PARD3: variants seen among roughly 807,000 people sequenced by gnomAD.
The protein encoded by PARD3 is partitioning defective 3 homolog.
Under a neutral mutation model 155.4 loss-of-function variants are expected in PARD3, and 75 were observed. The ratio of observed to expected loss-of-function variants is 0.48; its 90% CI spans 0.40 to 0.58. The LOEUF (loss-of-function observed/expected upper bound fraction) is 0.58, where lower values mean the gene tolerates loss of function less well. PARD3 is among the 20% of genes least tolerant of loss of function. The pLI is 0.00. For synonymous variants in PARD3, 576 were observed against 610.5 expected, an observed-to-expected ratio of 0.94 and a Z score of 0.83; for missense variants, 1,642 against 1,721.7, an observed-to-expected ratio of 0.95 and a Z score of 0.82.
intron 20 of PARD3, among the ~76,000 whole-genome samples, chr10:34,302,792 T>C (rs994236006): frequency 2.6e-5 from 4 of 152,208 alleles, no homozygotes; most frequent in African/African-American, 4.8e-5. Flanking sequence ...CCTGTTTTAA[T>C]GTCATTTTTC....
intron 2 of PARD3, among the ~76,000 whole-genome samples, chr10:34,652,958 G>T (rs1286146983): frequency 1.3e-5 from 2 of 152,122 alleles, no homozygotes; most frequent in South Asian, 2.1e-4. Flanking sequence ...CATTTAAACG[G>T]AAGTGCTCAT....
chr10:34,534,255 G>T (rs2083064678), intron 2 of PARD3, among the ~76,000 whole-genome samples: 1 of 150,156 alleles, frequency 6.7e-6, no homozygotes, highest in African/African-American at 2.5e-5. Context: ...GACAGAGCGA[G>T]ACTCCATCTC....
chr10:34,739,935 G>A (rs1305402461), intron 1 of PARD3, among the ~76,000 whole-genome samples: 2 of 152,180 alleles, frequency 1.3e-5, no homozygotes, highest in Non-Finnish European at 2.9e-5. Flanking sequence ...CAGGAGGAGG[G>A]CAGAACCAGA....
intron 2 of PARD3, among the ~76,000 whole-genome samples, chr10:34,671,187 A>T (rs984650920): frequency 1.3e-5 from 2 of 152,256 alleles, no homozygotes; most frequent in Non-Finnish European, 2.9e-5. Context: ...GCCTGTGAAT[A>T]TAATTTCTGT....
intron 3 of PARD3, among the ~76,000 whole-genome samples, chr10:34,505,317 A>G (rs185312003): frequency 4.1e-4 from 63 of 152,354 alleles, no homozygotes; most frequent in African/African-American, 1.3e-3. Flanking sequence ...ACCAGGCAAG[A>G]CCTCAGAGTC....
intron 2 of PARD3, among the ~76,000 whole-genome samples, chr10:34,659,637 T>G (rs1394246299): frequency 6.6e-6 from 1 of 152,116 alleles, no homozygotes; most frequent in East Asian, 1.9e-4. Flanking sequence ...CTTTTTATTT[T>G]CCCCCCACTG....
At chr10:34,662,197 C>A (rs1354493506) in intron 2 of PARD3, among the ~76,000 whole-genome samples, 1 of 152,116 alleles carries the variant, frequency 6.6e-6, no homozygotes, top group Non-Finnish European at 1.5e-5. Context: ...ATCAAAACTA[C>A]AATGAGATAT....
intron 2 of PARD3, among the ~76,000 whole-genome samples, chr10:34,570,329 G>A (rs1202277976): frequency 1.3e-5 from 2 of 152,158 alleles, no homozygotes; most frequent in African/African-American, 4.8e-5. Context: ...TGTTTCCATT[G>A]AGAATTCTAA....
At chr10:34,474,131 C>A (rs1402160829) in intron 3 of PARD3, among the ~76,000 whole-genome samples, 1 of 152,196 alleles carries the variant, frequency 6.6e-6, no homozygotes, top group East Asian at 1.9e-4. Flanking sequence ...TACTACTGCA[C>A]TCCAGCCTGG....
chr10:34,468,789 A>G (rs1270686167), intron 4 of PARD3, among the ~76,000 whole-genome samples: 2 of 152,212 alleles, frequency 1.3e-5, no homozygotes, highest in Non-Finnish European at 2.9e-5. Flanking sequence ...ATTACTACAG[A>G]GAGGAGTGTG....
intron 11 of PARD3, among the ~76,000 whole-genome samples, chr10:34,373,154 G>C (rs960384008): frequency 6.6e-6 from 1 of 152,012 alleles, no homozygotes; most frequent in Non-Finnish European, 1.5e-5. Flanking sequence ...CTGGATTCAA[G>C]ATTATTTTTA....
intron 22 of PARD3, among the ~76,000 whole-genome samples, chr10:34,166,524 G>A (rs1011535595): frequency 2.0e-5 from 3 of 152,080 alleles, no homozygotes; most frequent in Admixed American, 6.6e-5. Context: ...AGGCTAAGGC[G>A]GGGGCAGGCA....
rs1456300272 is a variant in PARD3, at chr10:34,109,679, T to C, written c.*1490A>G. The C allele has an allele frequency of 6.6e-6, 1 of 151,950 alleles. No homozygotes were observed. The highest frequency in any genetic ancestry group is 6.5e-5 in the Admixed American group (1 of 15,276). The allele number at this position is 151,950 out of a possible 1,614,324, so 9.4% of individuals were successfully genotyped here. On this transcript the variant is annotated 3_prime_UTR_variant, in exon 25 of 25. Coordinates refer to ENST00000374788, the MANE Select transcript of PARD3 (RefSeq NM_001184785.2). Reference sequence around the variant, plus strand: ...TCATCCAAGGTCACTGCGCGTACACTGGTAACACCACTTAGACACCGCCGC... The same window carrying C: ...TCATCCAAGGTCACTGCGCGTACACCGGTAACACCACTTAGACACCGCCGC...
chr10:34,134,751 T>C (rs917642396), intron 22 of PARD3, among the ~76,000 whole-genome samples: 1 of 152,316 alleles, frequency 6.6e-6, no homozygotes, highest in African/African-American at 2.4e-5. Flanking sequence ...ATGGTTTTCA[T>C]GATGGATGAT....
chr10:34,649,012 T>A (rs1487723776), intron 2 of PARD3, among the ~76,000 whole-genome samples: 1 of 152,202 alleles, frequency 6.6e-6, no homozygotes, highest in South Asian at 2.1e-4. Context: ...ATGAACCAAG[T>A]TTGGGAGATT....
chr10:34,310,831 A>G (rs1957662572), intron 20 of PARD3, among the ~76,000 whole-genome samples: 1 of 152,252 alleles, frequency 6.6e-6, no homozygotes, highest in African/African-American at 2.4e-5. Context: ...ACTCACTCCA[A>G]GGAAACCTCC....
At chr10:34,124,503 A>T (rs1947172756) in intron 23 of PARD3, among the ~76,000 whole-genome samples, 2 of 152,212 alleles carry the variant, frequency 1.3e-5, no homozygotes, top group South Asian at 4.1e-4. Flanking sequence ...TTTCTTCAGT[A>T]GACTTATGTA....
rs574415950 is a variant in PARD3 at position 34,506,173 on chromosome 10, G to C, written c.403+10806C>G. Among the ~76,000 whole-genome samples, 3 of 152,190 alleles carry C rather than the reference G, an allele frequency of 2.0e-5. No individual in the cohort carries two copies. The South Asian group carries it at 6.2e-4, about 32-fold the overall frequency. Reference sequence around the variant, plus strand: ...AAAAAGAAATACTGATGACATAACAGATAGGAACTGCAAAGATGCTTGGGC... The same window carrying C: ...AAAAAGAAATACTGATGACATAACACATAGGAACTGCAAAGATGCTTGGGC... On this transcript the variant is annotated intron_variant, in intron 3 of 24. Transcript: ENST00000374788.
chr10:34,140,627 G>A (rs1948138886), intron 22 of PARD3, among the ~76,000 whole-genome samples: 1 of 152,190 alleles, frequency 6.6e-6, no homozygotes, highest in African/African-American at 2.4e-5. Flanking sequence ...TGGAGGAAGG[G>A]TGGGAGGGTT....
Sources: gnomAD v4.1 joint callset for allele counts (sites outside exome capture counted in the v4.1 genomes callset) on GRCh38, gnomAD v4.1.1 for gene constraint, MANE v1.5 for transcripts, NCBI Gene and HGNC (gene_info 2026-07-23, HGNC 2026-07-21) for gene names.